Variants in ABR observed in about 807,000 individuals in gnomAD.
ABR encodes active breakpoint cluster region-related protein.
ABR carries 35 observed loss-of-function variants against 107.2 expected under a neutral mutation model. That is an observed-to-expected ratio of 0.33 (90% CI 0.25 to 0.43). The LOEUF (loss-of-function observed/expected upper bound fraction) is 0.43, where lower values mean the gene tolerates loss of function less well. Ranked by LOEUF, ABR falls within the 20% of genes least tolerant of loss-of-function variation. The pLI, the probability that ABR is intolerant of heterozygous loss-of-function variation, is 1.00. For missense variants in ABR, 815 were observed against 1,115.2 expected (o/e 0.73, Z 3.83); for synonymous variants, 498 against 462.0 (o/e 1.08, Z -1.00).
At chr17:1,144,248 C>T (rs191438978) in intron 1 of ABR, among the ~76,000 whole-genome samples, 2 of 152,142 alleles carry the variant, frequency 1.3e-5, no homozygotes, top group African/African-American at 2.4e-5. Flanking sequence ...CATGATACGA[C>T]GAAAGCTGAC....
chr17:1,032,473 C>A (rs2072880626), intron 16 of ABR, among the ~76,000 whole-genome samples: 1 of 152,196 alleles, frequency 6.6e-6, no homozygotes, highest in South Asian at 2.1e-4. Context: ...AGAGATGCCT[C>A]TTGAGGGGTC....
At chr17:1,203,954 G>T (rs1016433494) in intron 1 of ABR, among the ~76,000 whole-genome samples, 3 of 152,180 alleles carry the variant, frequency 2.0e-5, no homozygotes, top group African/African-American at 7.2e-5. Context: ...TTTCCTGTCC[G>T]GACCTCGGTG....
At chr17:1,020,940 C>A (rs567666828) in intron 16 of ABR, among the ~76,000 whole-genome samples, 7 of 152,268 alleles carry the variant, frequency 4.6e-5, no homozygotes, top group African/African-American at 1.4e-4. Context: ...CACTCCTGCT[C>A]CCTCGGAGGT....
intron 1 of ABR, among the ~76,000 whole-genome samples, chr17:1,223,365 T>G (rs1378413504): frequency 6.7e-6 from 1 of 148,982 alleles, no homozygotes; most frequent in Admixed American, 6.7e-5. Context: ...CTACGCCAGG[T>G]GTTCTGCTAC....
rs1598068279 is a variant in ABR, at chr17:1,179,674, G to A, written c.54C>T (p.Leu18=). The change falls in exon 1 of 23, where the codon CTC becomes CTT. Residue 18 remains leucine, a synonymous_variant. Transcript: ENST00000302538. This position sits in a 1 kb window ranked among gnomAD's most constrained non-coding sequence, Gnocchi z 4.9. The stretch of plus-strand genomic sequence containing the variant: ...CCCGCCCGGCACACGTACTGCTGTA[G>A]AGGGTGTCGATCCAGGACAGGCGCG... ...GLPRLSWIDT[L]YSNFSYGTDE... 1 of 1,568,210 alleles carries A rather than the reference G, an allele frequency of 6.4e-7. No homozygotes were observed. The highest frequency in any genetic ancestry group is 1.8e-5 in the Admixed American group (1 of 55,962).
rs141348257 is a variant in ABR, at chr17:1,096,289, CAT to C, written c.345+4346_345+4347del. ...TTAGGTACACACACCCAGCCCTTTG[CAT>C]ATCAGGAAGTGTTCAGATGAAAGCA... is the stretch of plus-strand genomic sequence containing the variant. On this transcript the variant is annotated intron_variant, in intron 3 of 22. Transcript: ENST00000302538. Among the ~76,000 whole-genome samples the C allele has an allele frequency of 8.0e-3, 1,215 of 152,210 alleles. 16 individuals carry two copies. The highest frequency in any genetic ancestry group is 0.028 in the African/African-American group (1,144 of 41,518).
At chr17:1,214,571 G>A (rs918190226) in intron 1 of ABR, among the ~76,000 whole-genome samples, 1 of 152,130 alleles carries the variant, frequency 6.6e-6, no homozygotes, top group Non-Finnish European at 1.5e-5. Context: ...GGAGGCTGAG[G>A]CAGGTAGATC....
intron 2 of ABR, 69 bp downstream of exon 2, chr17:1,125,114 C>T (rs2039531928): frequency 6.8e-7 from 1 of 1,479,164 alleles, no homozygotes; most frequent in South Asian, 1.3e-5. Flanking sequence ...CAAGCAGGGC[C>T]TGGCCCACGA....
At chr17:1,021,561 T>G (rs1260225014) in intron 16 of ABR, among the ~76,000 whole-genome samples, 2 of 152,132 alleles carry the variant, frequency 1.3e-5, no homozygotes, top group Non-Finnish European at 2.9e-5. Flanking sequence ...ATCCCAGCAC[T>G]TTGGGAGGCC....
chr17:1,216,682 G>A (rs1206991453), intron 1 of ABR, among the ~76,000 whole-genome samples: 1 of 152,166 alleles, frequency 6.6e-6, no homozygotes, highest in Non-Finnish European at 1.5e-5. Context: ...GGCCGGCCAC[G>A]TGCCACCCTG....
Position 1,078,096 on chromosome 17 carries a change from C to T in ABR, c.700+1234G>A, listed in dbSNP as rs538065055. On this transcript the variant is annotated intron_variant, in intron 6 of 22. Transcript: ENST00000302538. This position sits in a 1 kb window ranked among gnomAD's most constrained non-coding sequence, Gnocchi z 7.5. Reference sequence around the variant, plus strand: ...GGAGGATGGTCCGGGTCCCTTCCACCGAAAGGTGGTGTGTGTGTGTGTGTG... The same window carrying T: ...GGAGGATGGTCCGGGTCCCTTCCACTGAAAGGTGGTGTGTGTGTGTGTGTG... Among the ~76,000 whole-genome samples the T allele has an allele frequency of 2.1e-4, 31 of 150,890 alleles. No homozygotes were observed. The highest frequency in any genetic ancestry group is 7.1e-4 in the African/African-American group (29 of 40,922).
intron 1 of ABR, among the ~76,000 whole-genome samples, chr17:1,166,075 C>T (rs1352873890): frequency 6.7e-6 from 1 of 149,926 alleles, no homozygotes; most frequent in East Asian, 2.0e-4. Flanking sequence ...CCGGAGTGTC[C>T]GCACCCACCC....
chr17:1,095,177 G>C (rs751989845), intron 3 of ABR, among the ~76,000 whole-genome samples: 5 of 152,158 alleles, frequency 3.3e-5, no homozygotes, highest in Non-Finnish European at 7.3e-5. Flanking sequence ...CAAGGAGACG[G>C]GATTTCTCAG....
chr17:1,136,480 C>A (rs1344422905), intron 1 of ABR, among the ~76,000 whole-genome samples: 1 of 152,172 alleles, frequency 6.6e-6, no homozygotes, highest in Non-Finnish European at 1.5e-5. Flanking sequence ...CCACCCACCT[C>A]GGCCTCCCAC....
At chr17:1,223,058 C>T (rs1250842197) in intron 1 of ABR, among the ~76,000 whole-genome samples, 3 of 151,916 alleles carry the variant, frequency 2.0e-5, no homozygotes, top group Admixed American at 6.6e-5. Context: ...AAAAAGTAAC[C>T]GGGTGTGGTG....
chr17:1,220,463 C>T (rs920852910), intron 1 of ABR, among the ~76,000 whole-genome samples: 4 of 152,118 alleles, frequency 2.6e-5, no homozygotes, highest in Non-Finnish European at 5.9e-5. Flanking sequence ...TCTGCAGCTA[C>T]GCGGTGCAGA....
chr17:1,083,685 G>A, intron 4 of ABR, 58 bp from the exon 5 acceptor site: 2 of 1,371,714 alleles, frequency 1.5e-6, no homozygotes, highest in Non-Finnish European at 2.1e-6. Context: ...GAGGATTAAT[G>A]AATGGATGAA....
chr17:1,170,726 G>A (rs1157538268), intron 1 of ABR, among the ~76,000 whole-genome samples: 2 of 152,060 alleles, frequency 1.3e-5, no homozygotes, highest in Non-Finnish European at 2.9e-5. Flanking sequence ...GTGAGCCACC[G>A]TGCCTGGCCT....
At chr17:1,062,907 C>G (rs1180846623) in intron 10 of ABR, among the ~76,000 whole-genome samples, 1 of 144,362 alleles carries the variant, frequency 6.9e-6, no homozygotes, top group African/African-American at 2.5e-5. Context: ...GCATGTTCCT[C>G]TAGATGCTGT....
Sources: allele counts gnomAD v4.1 joint callset (sites outside exome capture counted in the v4.1 genomes callset), GRCh38; gene constraint gnomAD v4.1.1; non-coding constraint Gnocchi (gnomAD v3.1); transcripts MANE v1.5; gene names NCBI Gene and HGNC (gene_info 2026-07-23, HGNC 2026-07-21).